Variants in ADSS1 observed in about 807,000 individuals in gnomAD.
The protein encoded by ADSS1 is adenylosuccinate synthase 1.
A neutral mutation model predicts 59.1 loss-of-function variants in ADSS1; 57 were observed. That is an observed-to-expected ratio of 0.97 (90% CI 0.78 to 1.20). The LOEUF (loss-of-function observed/expected upper bound fraction) is 1.20, where lower values mean the gene tolerates loss of function less well. Among genes scored for constraint, ADSS1 ranks in the 50% most tolerant of loss-of-function variants. ADSS1 has a pLI of 0.00. For missense variants in ADSS1, 603 were observed against 610.3 expected, an observed-to-expected ratio of 0.99 and a Z score of 0.13; for synonymous variants, 247 against 249.4, an observed-to-expected ratio of 0.99 and a Z score of 0.09.
chr14:104,741,958 A>G lies in ADSS1; in HGVS notation c.904A>G (p.Thr302Ala). 6.2e-7 allele frequency: 1 copy of G among 1,613,258 alleles called. No individual in the cohort carries two copies. Among genetic ancestry groups the G allele is most frequent in the Middle Eastern group, 1.6e-4 (1 of 6,062 alleles). The stretch of plus-strand genomic sequence containing the variant: ...CGTGTATGGCGTGGTGAAAGCCTAT[A>G]CCACACGTGTGGGCATCGGGGCCTT... ...GDVYGVVKAYTTRVGIGAFPT... is the reference protein window; with the variant it reads ...GDVYGVVKAYATRVGIGAFPT... Residue 302 changes from threonine (T) to alanine (A), a missense_variant, in exon 9 of 13, where the codon ACC becomes GCC. Physicochemically the swap from Thr to Ala is moderately conservative, Grantham distance 58. Coordinates refer to ENST00000330877, the MANE Select transcript of ADSS1 (RefSeq NM_152328.5).
chr14:104,744,420 G>A (rs1036396034), intron 10 of ADSS1: 4 of 179,776 alleles, frequency 2.2e-5, no homozygotes, highest in South Asian at 1.5e-4. Flanking sequence ...CCAGTTTGGC[G>A]GGAGATGATT....
chr14:104,735,218 TGATG>T, intron 2 of ADSS1, 96 bp downstream of exon 2: 1 of 1,139,334 alleles, frequency 8.8e-7, no homozygotes, highest in Non-Finnish European at 1.3e-6. Context: ...CAGAGCCTGG[TGATG>T]ACTGCTCTAG....
intron 9 of ADSS1, 29 bp from the exon 10 acceptor site, chr14:104,743,038 C>G (rs759376484): frequency 1.2e-6 from 2 of 1,611,710 alleles, no homozygotes; most frequent in Non-Finnish European, 1.7e-6. Context: ...CACGACAGCT[C>G]ACATGACGTC....
intron 2 of ADSS1, among the ~76,000 whole-genome samples, chr14:104,735,740 G>A (rs1316283286): frequency 6.6e-6 from 1 of 152,044 alleles, no homozygotes; most frequent in Admixed American, 6.5e-5. Flanking sequence ...ACCACTCAGT[G>A]CTCCAAGAGG....
Position 104,747,265 on chromosome 14 carries a change from G to C in ADSS1, c.*262G>C, listed in dbSNP as rs536627690. 15 of 336,152 alleles carry C rather than the reference G, an allele frequency of 4.5e-5. No homozygotes were observed. The East Asian group carries it at 6.8e-4, about 15-fold the overall frequency. 20.8% of individuals were successfully genotyped at this position (336,152 alleles called of 1,614,324 possible). ...TGACACATTAGTGTCACATGGTTGC[G>C]TGTCCAGCCGAAGCAGTGTAATAAA... On this transcript the variant is annotated 3_prime_UTR_variant, in exon 13 of 13. Coordinates refer to ENST00000330877, the MANE Select transcript of ADSS1 (RefSeq NM_152328.5).
In ADSS1 at chr14:104,729,552, G is replaced by A. The variant is rs1349214338; in HGVS notation, c.192+5090G>A. On this transcript the variant is annotated intron_variant, in intron 1 of 12. Transcript: ENST00000330877. ...TCGGCGTCGTGGGGAGGAGCGTGGC[G>A]TCGGCGTGGTGGGGAGGAGCGTGGC... 3.8e-5 allele frequency among the ~76,000 whole-genome samples: 5 copies of A among 132,500 alleles called. No individual in the cohort carries two copies. The East Asian group carries it at 1.1e-3, about 30-fold the overall frequency. 86.9% of individuals were successfully genotyped at this position (132,500 alleles called of 152,430 possible). A position where few individuals can be genotyped will look rare whatever the true frequency, so the allele number is the denominator to read the frequency against.
At chr14:104,736,644 A>T (rs1353457285) in intron 2 of ADSS1, among the ~76,000 whole-genome samples, 1 of 152,038 alleles carries the variant, frequency 6.6e-6, no homozygotes, top group African/African-American at 2.4e-5. Flanking sequence ...TTCCTTGGGG[A>T]GGCAGCAGGG....
chr14:104,731,627 C>G (rs1890934628), intron 1 of ADSS1, among the ~76,000 whole-genome samples: 2 of 152,194 alleles, frequency 1.3e-5, no homozygotes, highest in Admixed American at 6.5e-5. Context: ...CGAGGGGTGC[C>G]TGGCAGAGAG....
chr14:104,730,671 G>A (rs913416804), intron 1 of ADSS1, among the ~76,000 whole-genome samples: 27 of 152,088 alleles, frequency 1.8e-4, no homozygotes, highest in African/African-American at 6.0e-4. Flanking sequence ...GAGTGGCCCC[G>A]AGAGGTGCTG....
intron 1 of ADSS1, among the ~76,000 whole-genome samples, chr14:104,728,125 C>G (rs1890773988): frequency 6.6e-6 from 1 of 152,126 alleles, no homozygotes; most frequent in African/African-American, 2.4e-5. Flanking sequence ...CATTGAGGGC[C>G]CCTGTGCTGT....
intron 2 of ADSS1, chr14:104,737,349 G>T (rs529858045): frequency 6.6e-6 from 1 of 152,048 alleles, no homozygotes; most frequent in African/African-American, 2.4e-5. Context: ...TCGCCTTTTC[G>T]GATTGGCTTC....
In ADSS1 at chr14:104,724,384, C is replaced by T; in HGVS notation, c.114C>T (p.Gly38=). Residue 38 remains glycine (G), a synonymous_variant, in exon 1 of 13, where the codon GGC becomes GGT. Coordinates refer to ENST00000330877, the MANE Select transcript of ADSS1 (RefSeq NM_152328.5). The part of the protein sequence containing the change: ...ATGSRVTVVL[G]AQWGDEGKGK... ...GCTCCCGCGTGACGGTGGTGCTGGG[C>T]GCGCAGTGGGGGGACGAGGGCAAAG... The T allele has an allele frequency of 2.4e-6, 3 of 1,257,440 alleles. No individual in the cohort carries two copies. Among genetic ancestry groups the T allele is most frequent in the Non-Finnish European group, 3.0e-6 (3 of 995,640 alleles). The allele number at this position is 1,257,440 out of a possible 1,614,324, so 77.9% of individuals were successfully genotyped here.
intron 1 of ADSS1, among the ~76,000 whole-genome samples, chr14:104,731,311 G>T (rs1277441285): frequency 6.6e-6 from 1 of 152,214 alleles, no homozygotes; most frequent in East Asian, 1.9e-4. Flanking sequence ...TACACCTCTA[G>T]GCGCCATCAT....
In ADSS1 at chr14:104,730,961, G is replaced by A; in HGVS notation, c.193-4059G>A. On this transcript the variant is annotated intron_variant, in intron 1 of 12. Transcript: ENST00000330877. Reference sequence around the variant, plus strand: ...ACAAGCCAGACTAGGCAGAGAGTGGGGGGGGGGGGGGGGCTCAGTGTCCGT... The same window carrying A: ...ACAAGCCAGACTAGGCAGAGAGTGGAGGGGGGGGGGGGGCTCAGTGTCCGT... 2.0e-5 allele frequency among the ~76,000 whole-genome samples: 2 copies of A among 98,394 alleles called. 1 individual carries two copies. Among genetic ancestry groups the A allele is most frequent in the Non-Finnish European group, 4.1e-5 (2 of 49,018 alleles). The allele number at this position is 98,394 out of a possible 152,430, so 64.6% of individuals were successfully genotyped here. A position where few individuals can be genotyped will look rare whatever the true frequency, so the allele number is the denominator to read the frequency against.
rs952226242 is a variant in ADSS1, at chr14:104,724,435, G to A, written c.165G>A (p.Thr55=). 12 of 1,259,084 alleles carry A rather than the reference G, an allele frequency of 9.5e-6. No homozygotes were observed. The African/African-American group carries it at 1.4e-4, about 14-fold the overall frequency. 78.0% of individuals were successfully genotyped at this position (1,259,084 alleles called of 1,614,324 possible). A position where few individuals can be genotyped will look rare whatever the true frequency, so the allele number is the denominator to read the frequency against. Residue 55 remains threonine (T), a synonymous_variant, in exon 1 of 13, where the codon ACG becomes ACA. Coordinates refer to ENST00000330877, the MANE Select transcript of ADSS1 (RefSeq NM_152328.5). ...GCAAGGTGGTGGACCTGCTGGCCAC[G>A]GACGCCGACATCATCAGCCGCTGCC... ...GKGKVVDLLA[T]DADIISRCQG...
chr14:104,731,969 G>A (rs1030434649), intron 1 of ADSS1, among the ~76,000 whole-genome samples: 5 of 152,328 alleles, frequency 3.3e-5, no homozygotes, highest in South Asian at 2.1e-4. Context: ...GCACCAGTGC[G>A]TCTGTGCAAG....
chr14:104,742,046 C>T (rs747753034), intron 9 of ADSS1, 44 bp downstream of exon 9: 1 of 1,604,796 alleles, frequency 6.2e-7, no homozygotes. Context: ...GACAGGGAGG[C>T]CAGGCAGGGG....
At chr14:104,737,452 T>G (rs954655149) in intron 2 of ADSS1, 1 of 152,258 alleles carries the variant, frequency 6.6e-6, no homozygotes, top group Non-Finnish European at 1.5e-5. Context: ...CTCCACTGTC[T>G]GGATGGACCA....
At chr14:104,724,551 C>A (rs1890665773) in intron 1 of ADSS1, 89 bp downstream of exon 1, 1 of 1,225,892 alleles carries the variant, frequency 8.2e-7, no homozygotes. Flanking sequence ...CATGCCCTGG[C>A]CGGTCACTCA....
Sources: allele counts gnomAD v4.1 joint callset (sites outside exome capture counted in the v4.1 genomes callset), GRCh38; gene constraint gnomAD v4.1.1; transcripts MANE v1.5; gene names NCBI Gene and HGNC (gene_info 2026-07-23, HGNC 2026-07-21).